Variants in STK3 observed in about 807,000 individuals in gnomAD.
STK3 encodes serine/threonine-protein kinase 3.
A neutral mutation model predicts 58.0 loss-of-function variants in STK3; 41 were observed. That is an observed-to-expected ratio of 0.71 (90% CI 0.55 to 0.92). The LOEUF is 0.92. STK3 is among the 40% of genes least tolerant of loss of function. The pLI is 0.00. For missense variants in STK3, 479 were observed against 602.7 expected (o/e 0.79, Z 2.15); for synonymous variants, 170 against 191.0 (o/e 0.89, Z 0.91).
chr8:98,596,225 A>G (rs943165270), intron 6 of STK3, 56 bp from the exon 7 acceptor site: 5 of 1,524,006 alleles, frequency 3.3e-6, no homozygotes. Flanking sequence ...ACAATCAAAT[A>G]AACAAATCTC....
intron 6 of STK3, among the ~76,000 whole-genome samples, chr8:98,605,433 C>CTTT (rs1008693603): frequency 2.3e-5 from 3 of 132,872 alleles, no homozygotes; most frequent in Admixed American, 7.6e-5. Flanking sequence ...GCAAGCACAC[C>CTTT]TTTTTTTTTT....
chr8:98,700,652 A>T (rs1304415204), intron 6 of STK3, among the ~76,000 whole-genome samples: 3 of 152,184 alleles, frequency 2.0e-5, no homozygotes, highest in Admixed American at 1.3e-4. Context: ...TCCAAAATAC[A>T]CTATTTATTT....
chr8:98,716,245 T>G (rs1300321289), intron 4 of STK3, among the ~76,000 whole-genome samples: 4 of 152,102 alleles, frequency 2.6e-5, no homozygotes, highest in Non-Finnish European at 5.9e-5. Flanking sequence ...GTAACTAACC[T>G]GCATGTTGTG....
At chr8:98,489,727 TTTTA>T (rs1822548255) in intron 10 of STK3, among the ~76,000 whole-genome samples, 1 of 152,196 alleles carries the variant, frequency 6.6e-6, no homozygotes, top group Admixed American at 6.5e-5. Flanking sequence ...AAAATTCCAC[TTTTA>T]TTTATTCTGA....
chr8:98,893,495 A>G (rs1405122110), intron 1 of STK3, among the ~76,000 whole-genome samples: 1 of 114,512 alleles, frequency 8.7e-6, no homozygotes. Context: ...AGAGAAAGAA[A>G]GAAAGAAAGA....
At chr8:98,905,236 A>G (rs1382331331) in intron 1 of STK3, 5 of 853,396 alleles carry the variant, frequency 5.9e-6, no homozygotes, top group South Asian at 1.3e-5. Context: ...GGACAACTAC[A>G]CATGCATTAT....
At chr8:98,903,641 G>A (rs758399963) in intron 1 of STK3, among the ~76,000 whole-genome samples, 14 of 151,008 alleles carry the variant, frequency 9.3e-5, no homozygotes, top group Non-Finnish European at 1.9e-4. Context: ...CTGGGTTCAA[G>A]TGATCCTCTA....
intron 1 of STK3, among the ~76,000 whole-genome samples, chr8:98,787,619 G>C (rs748164606): frequency 2.6e-5 from 4 of 152,078 alleles, no homozygotes; most frequent in Non-Finnish European, 4.4e-5. Flanking sequence ...TCATCGCCTA[G>C]ACACACTGTC....
In STK3 at chr8:98,505,209, C is replaced by T. The variant is rs1291400246; in HGVS notation, c.1317+21533G>A. 2.6e-5 allele frequency among the ~76,000 whole-genome samples: 4 copies of T among 152,182 alleles called. No individual in the cohort carries two copies. The East Asian group carries it at 5.8e-4, about 22-fold the overall frequency. On this transcript the variant is annotated intron_variant, in intron 10 of 10. Coordinates refer to ENST00000419617, the MANE Select transcript of STK3 (RefSeq NM_006281.4). ...GCTATTGAAGCTTGTGCATGTGTCACGTAGTTCTCCTGCCATGGTTTTCAG... is the reference window on the plus strand; with the variant it reads ...GCTATTGAAGCTTGTGCATGTGTCATGTAGTTCTCCTGCCATGGTTTTCAG...
At chr8:98,825,838 GCCCC>G, upstream of STK3, among the ~76,000 whole-genome samples, 5 of 67,408 alleles carry the variant, frequency 7.4e-5, no homozygotes, top group African/African-American at 1.7e-4. Flanking sequence ...GCCCCCGGCC[GCCCC>G]GCCCCGCCCC....
At chr8:98,571,758 A>G (rs1812988406) in intron 8 of STK3, among the ~76,000 whole-genome samples, 1 of 152,224 alleles carries the variant, frequency 6.6e-6, no homozygotes, top group African/African-American at 2.4e-5. Flanking sequence ...CATGCATAAA[A>G]GTGAAAAGAT....
chr8:98,376,079 C>G (rs529900126), intron 2 of STK3, among the ~76,000 whole-genome samples: 1 of 152,288 alleles, frequency 6.6e-6, no homozygotes, highest in South Asian at 2.1e-4. Flanking sequence ...CTTGTCAGCA[C>G]TTGGTGCTAT....
At chr8:98,882,704 C>G (rs2131901112), downstream of STK3, 1 of 152,414 alleles carries the variant, frequency 6.6e-6, no homozygotes, top group South Asian at 2.1e-4. Context: ...AGCCACCATG[C>G]CTGGCCCAAT....
At chr8:98,497,350 G>A (rs1035765456) in intron 10 of STK3, among the ~76,000 whole-genome samples, 2 of 151,922 alleles carry the variant, frequency 1.3e-5, no homozygotes, top group Admixed American at 1.3e-4. Context: ...ACTCTTGGAC[G>A]AACATGTAAG....
intron 6 of STK3, among the ~76,000 whole-genome samples, chr8:98,701,318 T>C (rs1471278845): frequency 6.6e-6 from 1 of 152,142 alleles, no homozygotes; most frequent in Non-Finnish European, 1.5e-5. Flanking sequence ...TATATACATA[T>C]ATATACATAC....
At chr8:98,828,461 A>C (rs977408658), upstream of STK3, among the ~76,000 whole-genome samples, 19 of 151,176 alleles carry the variant, frequency 1.3e-4, no homozygotes, top group Non-Finnish European at 2.1e-4. Flanking sequence ...AAAAAAAAAA[A>C]AAAACAAAAG....
intron 1 of STK3, among the ~76,000 whole-genome samples, chr8:98,902,721 C>T (rs13254142): frequency 0.015 from 2,243 of 152,322 alleles, 19 homozygotes; most frequent in Middle Eastern, 0.048. Context: ...ATGTCACTAT[C>T]CTACACAAAA....
intron 6 of STK3, among the ~76,000 whole-genome samples, chr8:98,620,546 T>TA (rs1467030468): frequency 2.1e-5 from 3 of 145,348 alleles, no homozygotes; most frequent in Non-Finnish European, 4.6e-5. Flanking sequence ...CAAGGGAAAT[T>TA]AAAAAAAATA....
At chr8:98,860,773 G>A (rs1043351409) in intron 3 of STK3, among the ~76,000 whole-genome samples, 1 of 152,116 alleles carries the variant, frequency 6.6e-6, no homozygotes, top group African/African-American at 2.4e-5. Context: ...TCTGGACACG[G>A]GGTGGATGCG....
Sources: allele counts gnomAD v4.1 joint callset (sites outside exome capture counted in the v4.1 genomes callset), GRCh38; gene constraint gnomAD v4.1.1; transcripts MANE v1.5; gene names NCBI Gene and HGNC (gene_info 2026-07-23, HGNC 2026-07-21).